The following CDH12 variants were observed in gnomAD, a reference collection of about 807,000 sequenced individuals.
CDH12 encodes cadherin 12.
A neutral mutation model predicts 74.1 loss-of-function variants in CDH12; 41 were observed. That is an observed-to-expected ratio of 0.55 (90% CI 0.43 to 0.72). The LOEUF is 0.72. Ranked by LOEUF, CDH12 falls within the 30% of genes least tolerant of loss-of-function variation. The pLI, the probability that CDH12 is intolerant of heterozygous loss-of-function variation, is 0.00. For missense variants in CDH12, 945 were observed against 977.2 expected (o/e 0.97, Z 0.44); for synonymous variants, 399 against 355.0 (o/e 1.12, Z -1.39).
intron 3 of CDH12, among the ~76,000 whole-genome samples, chr5:22,378,815 A>G (rs1561358544): frequency 6.6e-6 from 1 of 152,140 alleles, no homozygotes; most frequent in Non-Finnish European, 1.5e-5. Flanking sequence ...CTTCAAGCTA[A>G]GAAAATTGTC....
At chr5:22,695,025 T>C (rs1742278923) in intron 1 of CDH12, among the ~76,000 whole-genome samples, 1 of 151,962 alleles carries the variant, frequency 6.6e-6, no homozygotes, top group Admixed American at 6.6e-5. Context: ...GTGTGTGATG[T>C]TCCCCTCCCT....
chr5:21,983,252 C>G (rs1315648103), intron 5 of CDH12, among the ~76,000 whole-genome samples: 4 of 152,026 alleles, frequency 2.6e-5, no homozygotes, highest in Admixed American at 2.0e-4. Flanking sequence ...GCATATATTT[C>G]CAGATTGGAA....
chr5:21,952,551 A>G (rs562553636), intron 6 of CDH12, among the ~76,000 whole-genome samples: 1 of 152,176 alleles, frequency 6.6e-6, no homozygotes, highest in African/African-American at 2.4e-5. Context: ...TCCTTCTGTG[A>G]CAGTTCTTGA....
At chr5:22,453,264 T>C (rs932093048) in intron 2 of CDH12, among the ~76,000 whole-genome samples, 3 of 152,056 alleles carry the variant, frequency 2.0e-5, no homozygotes, top group African/African-American at 7.2e-5. Context: ...GACCAGTATG[T>C]CAAAGAAATG....
chr5:22,036,867 T>C, intron 5 of CDH12, among the ~76,000 whole-genome samples: 1 of 152,194 alleles, frequency 6.6e-6, no homozygotes, highest in East Asian at 1.9e-4. Context: ...TTCCTTGATT[T>C]AATACAGTTA....
At chr5:22,564,310 TTCTC>T (rs1739195675) in intron 1 of CDH12, among the ~76,000 whole-genome samples, 1 of 152,226 alleles carries the variant, frequency 6.6e-6, no homozygotes, top group Non-Finnish European at 1.5e-5. Context: ...GTGTAACTAT[TTCTC>T]TATCGTATGA....
intron 3 of CDH12, among the ~76,000 whole-genome samples, chr5:22,239,658 G>A (rs560925602): frequency 3.9e-5 from 6 of 152,194 alleles, no homozygotes; most frequent in African/African-American, 7.2e-5. Flanking sequence ...GGGAATTGTC[G>A]TTTAACGGTG....
At chr5:22,667,090 T>A (rs1201450064) in intron 1 of CDH12, among the ~76,000 whole-genome samples, 3 of 152,206 alleles carry the variant, frequency 2.0e-5, no homozygotes, top group South Asian at 2.1e-4. Flanking sequence ...AAGAGGTACT[T>A]AAGAATTAAG....
intron 2 of CDH12, among the ~76,000 whole-genome samples, chr5:22,438,252 G>GAACAACA (rs1744485462): frequency 6.6e-6 from 1 of 151,754 alleles, no homozygotes; most frequent in South Asian, 2.1e-4. Context: ...AATTTGAATC[G>GAACAACA]AACAACAAAT....
At position 22,353,273 on chromosome 5, in the gene CDH12, C is replaced by G. The variant is rs149684595; in HGVS notation, c.-333+51984G>C. 2.0e-4 allele frequency among the ~76,000 whole-genome samples: 30 copies of G among 152,228 alleles called. No individual in the cohort carries two copies. In the East Asian group the frequency reaches 5.6e-3, roughly 28 times the overall value. ...GTTTTTAGGAATAAATTAACCTATT[C>G]ATGGACACAAATATTTTCTACATAA... On this transcript the variant is annotated intron_variant, in intron 3 of 14. Coordinates refer to ENST00000382254, the MANE Select transcript of CDH12 (RefSeq NM_004061.5).
At chr5:22,077,917 C>T (rs1274797715) in intron 5 of CDH12, among the ~76,000 whole-genome samples, 1 of 152,010 alleles carries the variant, frequency 6.6e-6, no homozygotes, top group Non-Finnish European at 1.5e-5. Flanking sequence ...AAAGCTTAAG[C>T]AAGCCAAATC....
rs567458772 is a variant in CDH12 at position 22,426,080 on chromosome 5, A to G, written c.-427-20729T>C. On this transcript the variant is annotated intron_variant, in intron 2 of 14. Transcript: ENST00000382254. ...CGGGCGCCTGTAGTTCCAGCTACTC[A>G]GGAGGCTGACGCAGGAGAATTGCTT... 3.3e-5 allele frequency among the ~76,000 whole-genome samples: 5 copies of G among 151,770 alleles called. 1 individual carries two copies. The highest frequency in any genetic ancestry group is 4.2e-4 in the South Asian group (2 of 4,786).
At chr5:22,148,410 A>C (rs932905969) in intron 4 of CDH12, among the ~76,000 whole-genome samples, 5 of 151,828 alleles carry the variant, frequency 3.3e-5, no homozygotes, top group African/African-American at 4.8e-5. Flanking sequence ...TATTTTAATT[A>C]AATGGCCAAT....
At chr5:22,538,521 C>T (rs990733583) in intron 1 of CDH12, among the ~76,000 whole-genome samples, 10 of 152,080 alleles carry the variant, frequency 6.6e-5, no homozygotes, top group African/African-American at 1.7e-4. Context: ...GACAAGACAC[C>T]GGTAGCACCA....
chr5:22,166,682 A>T lies in CDH12; in HGVS notation c.-187+45816T>A, dbSNP rs1036434182. 7.2e-5 allele frequency among the ~76,000 whole-genome samples: 11 copies of T among 152,198 alleles called. 1 individual carries two copies. Among genetic ancestry groups the T allele is most frequent in the Admixed American group, 2.0e-4 (3 of 15,278 alleles). On this transcript the variant is annotated intron_variant, in intron 4 of 14. Transcript: ENST00000382254. Reference sequence around the variant, plus strand: ...TTTAAAATATTTTGACAGATTAAAAACTACATAGTAAAACAACTGTAAAAT... The same window carrying T: ...TTTAAAATATTTTGACAGATTAAAATCTACATAGTAAAACAACTGTAAAAT...
At chr5:22,361,432 A>G (rs111504221) in intron 3 of CDH12, among the ~76,000 whole-genome samples, 1 of 151,316 alleles carries the variant, frequency 6.6e-6, no homozygotes, top group African/African-American at 2.5e-5. Context: ...ATAAAAGAGG[A>G]CACAAACAAA....
At chr5:21,815,876 A>C (rs1486045620) in intron 9 of CDH12, among the ~76,000 whole-genome samples, 1 of 152,136 alleles carries the variant, frequency 6.6e-6, no homozygotes, top group East Asian at 1.9e-4. Flanking sequence ...TTTTTAAATT[A>C]ATCTTTTGTC....
intron 4 of CDH12, among the ~76,000 whole-genome samples, chr5:22,133,516 CCAAATGA>C (rs1746287140): frequency 6.6e-6 from 1 of 151,984 alleles, no homozygotes; most frequent in Non-Finnish European, 1.5e-5. Flanking sequence ...GTAATTCAAC[CCAAATGA>C]CAAATTTTTC....
At chr5:22,500,897 C>A (rs933551542) in intron 2 of CDH12, among the ~76,000 whole-genome samples, 7 of 151,960 alleles carry the variant, frequency 4.6e-5, no homozygotes, top group African/African-American at 9.7e-5. Flanking sequence ...ACCAAGAATT[C>A]TCTTCATCAC....
Sources: gnomAD v4.1 joint callset for allele counts (sites outside exome capture counted in the v4.1 genomes callset) on GRCh38, gnomAD v4.1.1 for gene constraint, MANE v1.5 for transcripts, NCBI Gene and HGNC (gene_info 2026-07-23, HGNC 2026-07-21) for gene names.